Variants in CDHR3 observed in about 807,000 individuals in gnomAD.
CDHR3 encodes the protein cadherin-related family member 3.
A neutral mutation model predicts 86.6 loss-of-function variants in CDHR3; 79 were observed. The observed-to-expected ratio is 0.91, with a 90% CI of 0.76 to 1.10. The LOEUF (loss-of-function observed/expected upper bound fraction) is 1.10. Ranked by LOEUF, CDHR3 falls within the 50% of genes least tolerant of loss-of-function variation. The pLI is 0.00. For missense variants in CDHR3, 1,081 were observed against 1,077.6 expected, an observed-to-expected ratio of 1.00 and a Z score of -0.04; for synonymous variants, 421 against 402.4, an observed-to-expected ratio of 1.05 and a Z score of -0.55.
intron 1 of CDHR3, among the ~76,000 whole-genome samples, chr7:105,967,038 T>C (rs891827436): frequency 2.0e-5 from 3 of 152,092 alleles, no homozygotes; most frequent in African/African-American, 4.8e-5. Context: ...ATGTGCCATG[T>C]TGGTGTGCTG....
At position 106,012,955 on chromosome 7, in the gene CDHR3, T is replaced by G. The variant is rs746041030; in HGVS notation, c.1148T>G (p.Phe383Cys). The change falls in exon 9 of 19, where the codon TTC becomes TGC. Residue 383 changes from phenylalanine (F) to cysteine (C), a missense_variant. Coordinates refer to ENST00000317716, the MANE Select transcript of CDHR3 (RefSeq NM_152750.5). ...DDDSEAPNNR[F>C]NFTMPSGVGS... is the part of the protein sequence containing the mutation. ...GACAGTGAGGCACCAAACAACAGAT[T>G]CAACTTCACCATGCCATCTGGAGTG... The G allele has an allele frequency of 2.6e-5, 42 of 1,613,680 alleles. No homozygotes were observed. The highest frequency in any genetic ancestry group is 5.0e-5 in the Admixed American group (3 of 59,970).
At chr7:106,003,094 A>T (rs1438711415) in intron 7 of CDHR3, among the ~76,000 whole-genome samples, 1 of 144,630 alleles carries the variant, frequency 6.9e-6, no homozygotes, top group Non-Finnish European at 1.5e-5. Context: ...TGATCATTCC[A>T]CTCTACTCCA....
intron 1 of CDHR3, among the ~76,000 whole-genome samples, chr7:105,972,112 T>C (rs865806736): frequency 6.6e-6 from 1 of 152,120 alleles, no homozygotes; most frequent in South Asian, 2.1e-4. Flanking sequence ...TAATCTCAGA[T>C]GTGTGCAATG....
intron 2 of CDHR3, 49 bp downstream of exon 2, chr7:105,975,095 T>G: frequency 7.0e-7 from 1 of 1,430,626 alleles, no homozygotes; most frequent in Non-Finnish European, 9.9e-7. Context: ...GAGGTGATCC[T>G]GAAAATGAGG....
chr7:105,970,630 C>T (rs1395624752), intron 1 of CDHR3, among the ~76,000 whole-genome samples: 1 of 152,198 alleles, frequency 6.6e-6, no homozygotes, highest in African/African-American at 2.4e-5. Context: ...AATCTTCCCT[C>T]TGCCATTGAC....
Position 106,013,181 on chromosome 7 carries a change from C to T in CDHR3, c.1224+150C>T, listed in dbSNP as rs944339267. On this transcript the variant is annotated intron_variant, in intron 9 of 18. Coordinates refer to ENST00000317716, the MANE Select transcript of CDHR3 (RefSeq NM_152750.5). ...AGGCTTAATAGTGAGTCTGTGTTCC[C>T]CATTCGCTCTTTATTTTACCCTGGT... 1.1e-5 allele frequency: 7 copies of T among 640,410 alleles called. No homozygotes were observed. In the African/African-American group the frequency reaches 1.3e-4, roughly 12 times the overall value. The allele number at this position is 640,410 out of a possible 1,614,324, so 39.7% of individuals were successfully genotyped here. A position where few individuals can be genotyped will look rare whatever the true frequency, so the allele number is the denominator to read the frequency against.
Position 106,030,496 on chromosome 7 carries a change from G to A in CDHR3, c.2305-296G>A, listed in dbSNP as rs981418330. On this transcript the variant is annotated intron_variant, in intron 17 of 18. Transcript: ENST00000317716. The surrounding 1 kb of genome is among the most constrained non-coding windows in gnomAD (Gnocchi z 4.8). ...CTCAGGATGCTTCCTTAACCCCCAAGTGTGGTTTAAATGTCCCCTCTACCC... is the reference window on the plus strand; with the variant it reads ...CTCAGGATGCTTCCTTAACCCCCAAATGTGGTTTAAATGTCCCCTCTACCC... Among the ~76,000 whole-genome samples the A allele has an allele frequency of 3.9e-5, 6 of 152,166 alleles. No homozygotes were observed. In the East Asian group the frequency reaches 5.8e-4, roughly 15 times the overall value.
chr7:105,997,920 A>T (rs1832512101), intron 6 of CDHR3, among the ~76,000 whole-genome samples: 1 of 151,868 alleles, frequency 6.6e-6, no homozygotes. Flanking sequence ...CCCCAAGCAG[A>T]TAGCATGATC....
chr7:106,000,809 G>T (rs144731802), intron 6 of CDHR3, among the ~76,000 whole-genome samples: 1 of 150,086 alleles, frequency 6.7e-6, no homozygotes, highest in East Asian at 2.0e-4. Flanking sequence ...TTCTTCAGGG[G>T]ACCTATTTCT....
chr7:106,026,908 A>G (rs371368024), intron 16 of CDHR3, among the ~76,000 whole-genome samples: 4 of 152,224 alleles, frequency 2.6e-5, no homozygotes, highest in South Asian at 4.2e-4. Flanking sequence ...GGATATCTCA[A>G]TTTGGTCCTG....
intron 4 of CDHR3, among the ~76,000 whole-genome samples, chr7:105,991,538 T>G (rs1185765884): frequency 1.3e-5 from 2 of 152,244 alleles, no homozygotes; most frequent in Non-Finnish European, 2.9e-5. Flanking sequence ...CATAAGTTGT[T>G]GAGACTGTGG....
intron 1 of CDHR3, among the ~76,000 whole-genome samples, chr7:105,974,239 T>C (rs1436450834): frequency 1.3e-5 from 2 of 152,176 alleles, no homozygotes; most frequent in Non-Finnish European, 2.9e-5. Flanking sequence ...TCCTCCTCTG[T>C]GGAATGGTTG....
chr7:106,029,914 CT>C (rs1838074134), intron 17 of CDHR3, among the ~76,000 whole-genome samples: 1 of 152,170 alleles, frequency 6.6e-6, no homozygotes, highest in African/African-American at 2.4e-5. Context: ...TTAAATTAGT[CT>C]ATTAAATAAA....
intron 1 of CDHR3, among the ~76,000 whole-genome samples, chr7:105,971,907 C>T (rs1828033878): frequency 6.6e-6 from 1 of 152,188 alleles, no homozygotes. Flanking sequence ...GGTTAAAGGT[C>T]AATTTCTTAC....
In CDHR3 at chr7:106,034,198, A is replaced by G. The variant is rs1838725679; in HGVS notation, c.*1501A>G. On this transcript the variant is annotated 3_prime_UTR_variant, in exon 19 of 19. Coordinates refer to ENST00000317716, the MANE Select transcript of CDHR3 (RefSeq NM_152750.5). ...CAATGAACTGGGAATAAATGGTATT[A>G]TGATGGAATAGGAAATGTAACTTTC... 6.6e-6 allele frequency among the ~76,000 whole-genome samples: 1 copy of G among 152,220 alleles called. No homozygotes were observed. The highest frequency in any genetic ancestry group is 2.4e-5 in the African/African-American group (1 of 41,448).
chr7:106,029,548 GTCTC>G (rs59823993), intron 17 of CDHR3, among the ~76,000 whole-genome samples: 1,646 of 147,116 alleles, frequency 0.011, 20 homozygotes, highest in Non-Finnish European at 0.014. Flanking sequence ...CTCCACCTCT[GTCTC>G]TCTCTCTCTC....
At position 106,022,350 on chromosome 7, in the gene CDHR3, G is replaced by C; in HGVS notation, c.1978G>C (p.Asp660His). 6.2e-7 allele frequency: 1 copy of C among 1,614,030 alleles called. No individual in the cohort carries two copies. Among genetic ancestry groups the C allele is most frequent in the Non-Finnish European group, 8.5e-7 (1 of 1,179,900 alleles). ...CGTAACTGATGACAACTTGATGTCT[G>C]ACAGGAAGAAAGCGGAGGCTCTTGT... ...VYVTDDNLMSDRKKAEALVET... is the reference protein window; with the variant it reads ...VYVTDDNLMSHRKKAEALVET... The change falls in exon 14 of 19, where the codon GAC (aspartate) becomes CAC (histidine). Residue 660 changes from aspartate (D) to histidine (H), a missense_variant. Asp to His is a moderately conservative substitution (Grantham distance 81, BLOSUM62 -1). Transcript: ENST00000317716.
At chr7:105,994,160 G>A (rs573689957) in intron 4 of CDHR3, among the ~76,000 whole-genome samples, 1 of 152,262 alleles carries the variant, frequency 6.6e-6, no homozygotes, top group Non-Finnish European at 1.5e-5. Flanking sequence ...TATATTGTAA[G>A]TTGTTTTTAA....
At chr7:106,028,445 G>T in intron 16 of CDHR3, 106 bp from the exon 17 acceptor site, 1 of 1,210,580 alleles carries the variant, frequency 8.3e-7, no homozygotes, top group South Asian at 1.3e-5. Flanking sequence ...GTGTCTGCAA[G>T]ACTGAGATCG....
Sources: allele counts gnomAD v4.1 joint callset (sites outside exome capture counted in the v4.1 genomes callset), GRCh38; gene constraint gnomAD v4.1.1; non-coding constraint Gnocchi (gnomAD v3.1); transcripts MANE v1.5; gene names NCBI Gene and HGNC (gene_info 2026-07-23, HGNC 2026-07-21).